FLNB: variants seen among roughly 807,000 people sequenced by gnomAD.
The protein encoded by FLNB is filamin-B.
In FLNB, 111 loss-of-function variants were observed where a neutral mutation model predicts 250.6. That is an observed-to-expected ratio of 0.44 (90% CI 0.38 to 0.52). The LOEUF is 0.52. FLNB is among the 20% of genes least tolerant of loss of function. The probability of loss-of-function intolerance (pLI) is 0.00; values close to 1 mark genes in which losing one functional copy is unlikely to be tolerated. For synonymous variants in FLNB, 1,302 were observed against 1,372.1 expected, an observed-to-expected ratio of 0.95 and a Z score of 1.13; for missense variants, 2,869 against 3,447.8, an observed-to-expected ratio of 0.83 and a Z score of 4.20.
intron 25 of FLNB, chr3:58,132,501 C>T (rs2097309126): frequency 6.3e-6 from 3 of 478,014 alleles, no homozygotes; most frequent in South Asian, 2.1e-5. Flanking sequence ...GTGTCTTCAA[C>T]ACACATCATC....
chr3:58,048,598 T>G (rs748972723), intron 1 of FLNB, among the ~76,000 whole-genome samples: 1 of 152,232 alleles, frequency 6.6e-6, no homozygotes, highest in Non-Finnish European at 1.5e-5. Context: ...CTGCTTCAAG[T>G]GGTGTCCGCC....
At chr3:58,144,875 CT>C (rs1350129583) in intron 32 of FLNB, among the ~76,000 whole-genome samples, 6 of 152,208 alleles carry the variant, frequency 3.9e-5, no homozygotes, top group Non-Finnish European at 8.8e-5. Flanking sequence ...ACAACTTTCC[CT>C]ATGTCTATTT....
At chr3:58,103,483 G>A (rs2097254460) in intron 9 of FLNB, among the ~76,000 whole-genome samples, 1 of 152,188 alleles carries the variant, frequency 6.6e-6, no homozygotes. Flanking sequence ...GATAGCGTCT[G>A]AGGACTTTCT....
At chr3:58,047,403 A>C (rs1487281166) in intron 1 of FLNB, among the ~76,000 whole-genome samples, 1 of 151,962 alleles carries the variant, frequency 6.6e-6, no homozygotes, top group Non-Finnish European at 1.5e-5. Flanking sequence ...TAGAGATGGG[A>C]TCTCACTATG....
At chr3:58,060,168 C>G (rs551498269) in intron 1 of FLNB, among the ~76,000 whole-genome samples, 1 of 152,122 alleles carries the variant, frequency 6.6e-6, no homozygotes, top group South Asian at 2.1e-4. Flanking sequence ...TGAACGGGGG[C>G]GCAAGGGAGT....
intron 28 of FLNB, among the ~76,000 whole-genome samples, chr3:58,136,855 G>A (rs1246605888): frequency 6.7e-6 from 1 of 149,706 alleles, no homozygotes; most frequent in East Asian, 2.0e-4. Flanking sequence ...GAGTAGCTGG[G>A]ACCACAGGTG....
At chr3:58,088,788 G>A (rs887481123) in intron 4 of FLNB, among the ~76,000 whole-genome samples, 4 of 152,160 alleles carry the variant, frequency 2.6e-5, no homozygotes, top group Non-Finnish European at 4.4e-5. Context: ...ACTTACACCC[G>A]CAGAGGTGAA....
chr3:58,052,922 TC>T (rs2097164734), intron 1 of FLNB, among the ~76,000 whole-genome samples: 1 of 152,230 alleles, frequency 6.6e-6, no homozygotes, highest in African/African-American at 2.4e-5. Flanking sequence ...TTTGTGTGCC[TC>T]CTCCATTTTG....
chr3:58,130,488 A>G lies in FLNB; in HGVS notation c.4223-253A>G, dbSNP rs560992244. 2.0e-5 allele frequency among the ~76,000 whole-genome samples: 3 copies of G among 152,276 alleles called. No individual in the cohort carries two copies. In the East Asian group the frequency reaches 5.8e-4, roughly 29 times the overall value. On this transcript the variant is annotated intron_variant, in intron 24 of 45. Transcript: ENST00000295956. ...CTTGCTTGCCTCATCCTTCTCCTGCAGTTGTGGGTTCCTGGGGGGTGTTAA... is the reference window on the plus strand; with the variant it reads ...CTTGCTTGCCTCATCCTTCTCCTGCGGTTGTGGGTTCCTGGGGGGTGTTAA...
intron 1 of FLNB, among the ~76,000 whole-genome samples, chr3:58,010,532 G>A (rs979620940): frequency 6.6e-6 from 1 of 152,174 alleles, no homozygotes; most frequent in Non-Finnish European, 1.5e-5. Flanking sequence ...TCCATCTCCT[G>A]TACTGGGGAG....
At position 58,124,484 on chromosome 3, in the gene FLNB, G is replaced by A. The variant is rs773268097; in HGVS notation, c.3877G>A (p.Glu1293Lys). 5 of 1,614,214 alleles carry A rather than the reference G, an allele frequency of 3.1e-6. No homozygotes were observed. Among genetic ancestry groups the A allele is most frequent in the Non-Finnish European group, 4.2e-6 (5 of 1,180,036 alleles). Residue 1293 changes from glutamate (E) to lysine (K), a missense_variant, in exon 22 of 46, where the codon GAA becomes AAA. Glu to Lys is a moderately conservative substitution (Grantham distance 56). Around this residue, in one of 5 missense-constraint regions of FLNB, gnomAD observed 1,348 missense variants for 1,466.7 expected, o/e 0.92. Transcript: ENST00000295956. ...CAATGCGGATGGGACCTACCAGGTG[G>A]AATACACACCCTTTGAGAAAGGTGA... is the stretch of plus-strand genomic sequence containing the variant. ...TDNADGTYQVEYTPFEKGLHV... is the reference protein window; with the variant it reads ...TDNADGTYQVKYTPFEKGLHV...
At chr3:58,024,877 T>C (rs1367667732) in intron 1 of FLNB, among the ~76,000 whole-genome samples, 2 of 151,518 alleles carry the variant, frequency 1.3e-5, no homozygotes, top group Non-Finnish European at 2.9e-5. Context: ...TATGCCCAGC[T>C]AATTTTTGTA....
At chr3:58,082,614 T>C (rs1022667212) in intron 4 of FLNB, among the ~76,000 whole-genome samples, 2 of 151,834 alleles carry the variant, frequency 1.3e-5, no homozygotes, top group African/African-American at 4.8e-5. Flanking sequence ...CTACAAAAAA[T>C]ACAAAAATTA....
chr3:58,103,035 C>T (rs1275852399), intron 9 of FLNB, among the ~76,000 whole-genome samples: 1 of 152,174 alleles, frequency 6.6e-6, no homozygotes, highest in Non-Finnish European at 1.5e-5. Context: ...ACTCCCATGC[C>T]TGTGGAATCT....
At chr3:58,054,853 A>G (rs2097167814) in intron 1 of FLNB, among the ~76,000 whole-genome samples, 2 of 152,172 alleles carry the variant, frequency 1.3e-5, no homozygotes, top group South Asian at 4.1e-4. Flanking sequence ...CTATTTTTAT[A>G]AAGTTTTATT....
intron 1 of FLNB, among the ~76,000 whole-genome samples, chr3:58,045,788 T>G (rs2097153014): frequency 6.6e-6 from 1 of 151,998 alleles, no homozygotes; most frequent in South Asian, 2.1e-4. Flanking sequence ...TCACTTGAAG[T>G]CAGGAGTTCA....
At chr3:58,153,140 G>A (rs557155988) in intron 38 of FLNB, among the ~76,000 whole-genome samples, 66 of 152,290 alleles carry the variant, frequency 4.3e-4, no homozygotes, top group African/African-American at 1.4e-3. Flanking sequence ...GGATGACCAC[G>A]TCACCTTTGG....
chr3:58,024,674 G>T (rs1310159026), intron 1 of FLNB, among the ~76,000 whole-genome samples: 1 of 138,414 alleles, frequency 7.2e-6, no homozygotes, highest in Non-Finnish European at 1.6e-5. Context: ...TGGCATTTCT[G>T]CATTTCTGGT....
intron 1 of FLNB, among the ~76,000 whole-genome samples, chr3:58,064,203 C>T (rs958079218): frequency 6.6e-5 from 10 of 152,240 alleles, no homozygotes; most frequent in Admixed American, 2.6e-4. Flanking sequence ...TGCAGTGGTG[C>T]GATCTTGGCT....
Sources: gnomAD v4.1 joint callset for allele counts (sites outside exome capture counted in the v4.1 genomes callset) on GRCh38, gnomAD v4.1.1 for gene constraint, gnomAD v4.1.1 regional missense constraint, MANE v1.5 for transcripts, NCBI Gene and HGNC (gene_info 2026-07-23, HGNC 2026-07-21) for gene names.